The following CDON variants were observed in gnomAD, a reference collection of about 807,000 sequenced individuals.
CDON encodes the protein cell adhesion molecule-related/down-regulated by oncogenes.
In CDON, 73 loss-of-function variants were observed where a neutral mutation model predicts 120.9. That is an observed-to-expected ratio of 0.60 (90% CI 0.50 to 0.73). CDON has a LOEUF of 0.73. Among genes scored for constraint, CDON ranks in the 30% least tolerant of loss-of-function variants. The pLI is 0.00. For missense variants in CDON, 1,470 were observed against 1,587.3 expected, an observed-to-expected ratio of 0.93 and a Z score of 1.26; for synonymous variants, 566 against 573.5, an observed-to-expected ratio of 0.99 and a Z score of 0.19.
intron 1 of CDON, among the ~76,000 whole-genome samples, chr11:126,038,847 T>C (rs936459826): frequency 6.6e-6 from 1 of 152,202 alleles, no homozygotes. Context: ...ATGGCAAGTG[T>C]AGGTATTCCA....
chr11:126,028,089 T>C (rs980359344), intron 1 of CDON, among the ~76,000 whole-genome samples: 7 of 151,994 alleles, frequency 4.6e-5, no homozygotes, highest in African/African-American at 1.7e-4. Flanking sequence ...TTTCTTCGCA[T>C]ATTTTATATG....
At position 125,975,626 on chromosome 11, in the gene CDON, C is replaced by T. The variant is rs114554726; in HGVS notation, c.3356+2678G>A. Reference sequence around the variant, plus strand: ...GGACCATGGGCATCAGTACCATCTGCGAACTCATTAGAAATGCAAATTCTC... The same window carrying T: ...GGACCATGGGCATCAGTACCATCTGTGAACTCATTAGAAATGCAAATTCTC... On this transcript the variant is annotated intron_variant, in intron 18 of 19. Transcript: ENST00000531738. Among the ~76,000 whole-genome samples, 618 of 152,230 alleles carry T rather than the reference C, an allele frequency of 4.1e-3. 5 individuals are homozygous for T. The highest frequency in any genetic ancestry group is 0.014 in the African/African-American group (602 of 41,538).
intron 5 of CDON, among the ~76,000 whole-genome samples, chr11:126,017,881 T>C (rs1350619387): frequency 1.3e-5 from 2 of 152,120 alleles, no homozygotes; most frequent in African/African-American, 4.8e-5. Context: ...TGTACAGAAC[T>C]CTTCTATAAT....
chr11:125,963,303 T>C (rs1945699626), intron 18 of CDON, among the ~76,000 whole-genome samples: 1 of 151,900 alleles, frequency 6.6e-6, no homozygotes, highest in South Asian at 2.1e-4. Context: ...TAGTGACACT[T>C]TTTTTCCCCC....
chr11:126,000,368 T>C (rs1219525126), intron 11 of CDON, among the ~76,000 whole-genome samples: 1 of 151,700 alleles, frequency 6.6e-6, no homozygotes, highest in African/African-American at 2.4e-5. Context: ...CCACCACACA[T>C]GGCTACTTTT....
chr11:126,046,021 C>T (rs1948398636), intron 1 of CDON, among the ~76,000 whole-genome samples: 1 of 151,990 alleles, frequency 6.6e-6, no homozygotes, highest in Non-Finnish European at 1.5e-5. Flanking sequence ...AAGTGCTAGC[C>T]CCTTTTTAGC....
At chr11:126,030,473 T>C (rs560904933) in intron 1 of CDON, among the ~76,000 whole-genome samples, 5 of 152,328 alleles carry the variant, frequency 3.3e-5, no homozygotes, top group Admixed American at 1.3e-4. Context: ...TGTGATTAAT[T>C]TGTGAACAAA....
chr11:126,044,228 A>G (rs558095436), intron 1 of CDON, among the ~76,000 whole-genome samples: 1 of 152,368 alleles, frequency 6.6e-6, no homozygotes, highest in African/African-American at 2.4e-5. Context: ...TTATTAATAC[A>G]TAACAAAAAG....
intron 1 of CDON, among the ~76,000 whole-genome samples, chr11:126,054,741 C>T (rs1055140353): frequency 1.3e-5 from 2 of 152,130 alleles, no homozygotes; most frequent in Admixed American, 6.5e-5. Context: ...TTCAAATGCA[C>T]GTTAATGCCA....
chr11:126,042,497 A>AT (rs372539124), intron 1 of CDON, among the ~76,000 whole-genome samples: 11 of 152,074 alleles, frequency 7.2e-5, no homozygotes, highest in Non-Finnish European at 1.2e-4. Context: ...AGAAACATAT[A>AT]TTTTTTTTAT....
chr11:126,054,076 C>T (rs184078919), intron 1 of CDON, among the ~76,000 whole-genome samples: 13 of 152,278 alleles, frequency 8.5e-5, no homozygotes, highest in Non-Finnish European at 8.8e-5. Flanking sequence ...ATTAAACATT[C>T]GTTCCCCTTG....
In CDON at chr11:125,997,303, C is replaced by T. The variant is rs1026487418; in HGVS notation, c.2266G>A (p.Val756Ile). 6.2e-7 allele frequency: 1 copy of T among 1,614,110 alleles called. No homozygotes were observed. The highest frequency in any genetic ancestry group is 8.5e-7 in the Non-Finnish European group (1 of 1,179,990). The change falls in exon 12 of 20, where the codon GTC becomes ATC. Residue 756 changes from valine (V) to isoleucine (I), a missense_variant. By Grantham distance (29) the Val-to-Ile change is conservative (BLOSUM62 3). Coordinates refer to ENST00000531738, the MANE Select transcript of CDON (RefSeq NM_001378964.1). Reference sequence around the variant, plus strand: ...CTGGTCCTCATCCGTTTATATTCGACTTTGAAGGCAGTGATTGGAGAACCC... The same window carrying T: ...CTGGTCCTCATCCGTTTATATTCGATTTTGAAGGCAGTGATTGGAGAACCC... ...NGGSPITAFK[V>I]EYKRMRTSNW...
Position 126,015,508 on chromosome 11 carries a change from G to T in CDON, c.931C>A (p.His311Asn), listed in dbSNP as rs369439584. The T allele has an allele frequency of 5.0e-6, 8 of 1,613,572 alleles. No homozygotes were observed. The African/African-American group carries it at 1.1e-4, about 22-fold the overall frequency. ...YVTYMVNVLE[H>N]ASISKGLQDQ... ...TGTAGTCCTTTAGAAATGGAAGCAT[G>T]TTCTGAAAATAAAACACACAAATTA... The change falls in exon 7 of 20, where the codon CAT becomes AAT. Residue 311 changes from histidine (H) to asparagine (N), a missense_variant and splice_region_variant. Transcript: ENST00000531738.
At position 126,010,472 on chromosome 11, in the gene CDON, T is replaced by C. The variant is rs776919255; in HGVS notation, c.1421A>G (p.Tyr474Cys). ...RPEGLNLEPV[Y>C]FVLSQAGASS... ...TGCACCAGCTTGGGACAGGACGAAG[T>C]ACACAGGCTCCAGGTTCAAGCCCTC... Residue 474 changes from tyrosine (Y) to cysteine (C), a missense_variant, in exon 8 of 20, where the codon TAC (tyrosine) becomes TGC (cysteine). By Grantham distance (194) the Tyr-to-Cys change is radical. Coordinates refer to ENST00000531738, the MANE Select transcript of CDON (RefSeq NM_001378964.1). 2.5e-6 allele frequency: 4 copies of C among 1,614,122 alleles called. No individual in the cohort carries two copies. In the South Asian group the frequency reaches 4.4e-5, roughly 18 times the overall value.
chr11:126,019,219 G>A (rs73629836), intron 4 of CDON, among the ~76,000 whole-genome samples: 7,358 of 152,194 alleles, frequency 0.048, 211 homozygotes, highest in African/African-American at 0.091. Context: ...GCATGCAGCC[G>A]GCATTCCAGT....
chr11:126,020,293 A>T (rs117321941), intron 3 of CDON, among the ~76,000 whole-genome samples: 1 of 152,296 alleles, frequency 6.6e-6, no homozygotes, highest in Non-Finnish European at 1.5e-5. Context: ...ATCTGTTTGT[A>T]GCTATTCACA....
intron 1 of CDON, among the ~76,000 whole-genome samples, chr11:126,025,440 T>A (rs1241743691): frequency 6.6e-6 from 1 of 152,072 alleles, no homozygotes; most frequent in East Asian, 1.9e-4. Flanking sequence ...CACAGACACT[T>A]CCTTCCAGGG....
At chr11:125,990,259 G>A (rs1946598655) in intron 14 of CDON, among the ~76,000 whole-genome samples, 1 of 152,136 alleles carries the variant, frequency 6.6e-6, no homozygotes, top group African/African-American at 2.4e-5. Context: ...AACGTGAACT[G>A]ACATATGACC....
intron 14 of CDON, among the ~76,000 whole-genome samples, chr11:125,992,135 C>A (rs1439830342): frequency 6.6e-6 from 1 of 152,012 alleles, no homozygotes; most frequent in African/African-American, 2.4e-5. Flanking sequence ...AAATATTTAG[C>A]CTCTGTCAAA....
Sources: gnomAD v4.1 joint callset for allele counts (sites outside exome capture counted in the v4.1 genomes callset) on GRCh38, gnomAD v4.1.1 for gene constraint, MANE v1.5 for transcripts, NCBI Gene and HGNC (gene_info 2026-07-23, HGNC 2026-07-21) for gene names.